The following AFTPH variants were observed in gnomAD, a reference collection of about 807,000 sequenced individuals.
AFTPH encodes the protein aftiphilin, also known as aftiphilin protein.
In AFTPH, 7 loss-of-function variants were observed where a neutral mutation model predicts 72.5. The ratio of observed to expected loss-of-function variants is 0.10; its 90% CI spans 0.05 to 0.18. The LOEUF (loss-of-function observed/expected upper bound fraction) is 0.18, where lower values mean the gene tolerates loss of function less well. Ranked by LOEUF, AFTPH falls within the 10% of genes least tolerant of loss-of-function variation. The probability of loss-of-function intolerance (pLI) is 1.00; values close to 1 mark genes in which losing one functional copy is unlikely to be tolerated. For synonymous variants in AFTPH, 337 were observed against 370.1 expected (o/e 0.91, Z 1.03); for missense variants, 979 against 1,060.5 (o/e 0.92, Z 1.07).
At chr2:64,548,711 G>A (rs1251479847) in intron 1 of AFTPH, among the ~76,000 whole-genome samples, 1 of 152,064 alleles carries the variant, frequency 6.6e-6, no homozygotes, top group African/African-American at 2.4e-5. Context: ...GACATAGTTA[G>A]AGGTCAGATT....
intron 8 of AFTPH, among the ~76,000 whole-genome samples, chr2:64,590,739 C>T (rs898146029): frequency 6.6e-5 from 10 of 152,116 alleles, no homozygotes; most frequent in African/African-American, 2.2e-4. Flanking sequence ...AAACTTTAGT[C>T]CTAAAAGTCG....
exon 2 of AFTPH, chr2:64,551,466 A>G: frequency 6.2e-7 from 1 of 1,606,404 alleles, no homozygotes; most frequent in South Asian, 1.1e-5. Flanking sequence ...ATTTGAAAGC[A>G]ACTGAACAAT....
exon 2 of AFTPH, chr2:64,552,169 C>T: frequency 6.2e-7 from 1 of 1,613,902 alleles, no homozygotes; most frequent in Non-Finnish European, 8.5e-7. Context: ...GAGGAATTTG[C>T]AGATTTTGCC....
At chr2:64,527,860 T>A (rs1669373140) in intron 1 of AFTPH, among the ~76,000 whole-genome samples, 1 of 152,244 alleles carries the variant, frequency 6.6e-6, no homozygotes, top group South Asian at 2.1e-4. Flanking sequence ...ACTCCTAGTG[T>A]CTATTTCTGG....
At chr2:64,534,351 AT>A (rs142225682) in intron 1 of AFTPH, among the ~76,000 whole-genome samples, 18,362 of 152,036 alleles carry the variant, frequency 0.12, 3,129 homozygotes, top group African/African-American at 0.37. Context: ...ACTTTTTACT[AT>A]TTTTTGATAA....
intron 5 of AFTPH, among the ~76,000 whole-genome samples, chr2:64,571,179 C>T (rs1411348014): frequency 6.6e-6 from 1 of 151,916 alleles, no homozygotes; most frequent in Non-Finnish European, 1.5e-5. Flanking sequence ...CTGAAGTGAT[C>T]ATTTAAGCCA....
chr2:64,543,843 C>A (rs373883831), intron 1 of AFTPH, among the ~76,000 whole-genome samples: 1 of 152,226 alleles, frequency 6.6e-6, no homozygotes, highest in Non-Finnish European at 1.5e-5. Flanking sequence ...TTACAACTTA[C>A]AGACTCATCA....
Position 64,579,551 on chromosome 2 carries a change from GTC to G in AFTPH, c.2455+10_2455+11del, listed in dbSNP as rs1316300188. On this transcript the variant is annotated splice_donor_region_variant and intron_variant, in intron 7 of 8. Coordinates refer to ENST00000238856, the Ensembl canonical transcript of AFTPH. Reference sequence around the variant, plus strand: ...GCCTTACTAACCCTTTAGATGGTACGTCTCTCCGTAGAGCCTCTAGCACCAGA... The same window carrying G: ...GCCTTACTAACCCTTTAGATGGTACGTCTCCGTAGAGCCTCTAGCACCAGA... 1 of 1,612,506 alleles carries G rather than the reference GTC, an allele frequency of 6.2e-7. No homozygotes were observed. Among genetic ancestry groups the G allele is most frequent in the African/African-American group, 1.3e-5 (1 of 74,852 alleles).
chr2:64,585,406 C>T lies in AFTPH; in HGVS notation c.2456-16C>T. 4 of 1,612,730 alleles carry T rather than the reference C, an allele frequency of 2.5e-6. No individual in the cohort carries two copies. Among genetic ancestry groups the T allele is most frequent in the Non-Finnish European group, 3.4e-6 (4 of 1,179,730 alleles). On this transcript the variant is annotated splice_polypyrimidine_tract_variant and intron_variant, in intron 7 of 8. Coordinates refer to ENST00000238856, the Ensembl canonical transcript of AFTPH. ...ATTGCAGCCTGCCATCACTGACTAT[C>T]ATTTTATACTATAAGGTGTGGATCC...
intron 2 of AFTPH, among the ~76,000 whole-genome samples, chr2:64,565,750 C>G (rs771724870): frequency 6.6e-6 from 1 of 152,202 alleles, no homozygotes; most frequent in Non-Finnish European, 1.5e-5. Flanking sequence ...TTGCTAATCT[C>G]CTGCTCTATC....
intron 1 of AFTPH, among the ~76,000 whole-genome samples, chr2:64,534,591 T>TA (rs1669789311): frequency 6.6e-6 from 1 of 152,192 alleles, no homozygotes; most frequent in Non-Finnish European, 1.5e-5. Context: ...GGGCAAGTGT[T>TA]ACACGTAACT....
intron 5 of AFTPH, among the ~76,000 whole-genome samples, chr2:64,572,044 C>T (rs1234105404): frequency 1.3e-5 from 2 of 151,860 alleles, no homozygotes; most frequent in Non-Finnish European, 2.9e-5. Flanking sequence ...GGAGAAACCC[C>T]ATCTCTACTA....
At chr2:64,541,970 C>T (rs1423037575) in intron 1 of AFTPH, among the ~76,000 whole-genome samples, 1 of 152,074 alleles carries the variant, frequency 6.6e-6, no homozygotes, top group Non-Finnish European at 1.5e-5. Flanking sequence ...CCTTTTATCA[C>T]CATCCTTCTT....
exon 2 of AFTPH, chr2:64,552,644 T>G: frequency 6.2e-7 from 1 of 1,614,200 alleles, no homozygotes; most frequent in South Asian, 1.1e-5. Flanking sequence ...GTAGAAAGTT[T>G]ACTAATTTCC....
chr2:64,584,509 T>G (rs1673384934), intron 7 of AFTPH, among the ~76,000 whole-genome samples: 2 of 152,276 alleles, frequency 1.3e-5, no homozygotes, highest in Non-Finnish European at 2.9e-5. Context: ...TTTACTCACC[T>G]TTTCTGAAAA....
chr2:64,575,701 ATATGTGTGTGTGTGTGTGTGTGTGTG>A (rs1672725398), intron 6 of AFTPH, among the ~76,000 whole-genome samples: 1 of 115,580 alleles, frequency 8.7e-6, no homozygotes, highest in Non-Finnish European at 1.7e-5. Context: ...GTATGTGTGT[ATATGTGTGTGTGTGTGTGTGTGTGTG>A]TGTGTGTGTG....
intron 7 of AFTPH, chr2:64,581,267 A>G (rs756333007): frequency 1.3e-6 from 2 of 1,593,390 alleles, no homozygotes; most frequent in Non-Finnish European, 1.7e-6. Context: ...CAGCACCACA[A>G]TCCCAGGTCA....
chr2:64,567,636 G>A (rs773800940), exon 3 of AFTPH: 1 of 1,613,588 alleles, frequency 6.2e-7, no homozygotes, highest in East Asian at 2.2e-5. Flanking sequence ...ATGCTGAAGA[G>A]GAAGTTACTT....
chr2:64,553,537 C>T, intron 2 of AFTPH, 128 bp downstream of exon 2: 1 of 1,013,794 alleles, frequency 9.9e-7, no homozygotes, highest in Non-Finnish European at 1.3e-6. Context: ...TGTATAATGC[C>T]TGTCTGATTT....
Sources: gnomAD v4.1 joint callset for allele counts (sites outside exome capture counted in the v4.1 genomes callset) on GRCh38, gnomAD v4.1.1 for gene constraint, MANE v1.5 for transcripts, NCBI Gene and HGNC (gene_info 2026-07-23, HGNC 2026-07-21) for gene names.